Variants in EFCAB5 observed in about 807,000 individuals in gnomAD.
EFCAB5 encodes EF-hand calcium-binding domain-containing protein 5.
In EFCAB5, 131 loss-of-function variants were observed where a neutral mutation model predicts 167.9. That is an observed-to-expected ratio of 0.78 (90% CI 0.68 to 0.90). The LOEUF (loss-of-function observed/expected upper bound fraction) is 0.90, where lower values mean the gene tolerates loss of function less well. Ranked by LOEUF, EFCAB5 falls within the 40% of genes least tolerant of loss-of-function variation. The pLI, the probability that EFCAB5 is intolerant of heterozygous loss-of-function variation, is 0.00. For synonymous variants in EFCAB5, 574 were observed against 602.8 expected (o/e 0.95, Z 0.70); for missense variants, 1,663 against 1,745.2 (o/e 0.95, Z 0.84).
intron 14 of EFCAB5, among the ~76,000 whole-genome samples, chr17:30,064,049 T>A (rs570658711): frequency 2.4e-4 from 36 of 152,216 alleles, no homozygotes; most frequent in African/African-American, 7.9e-4. Context: ...TCTAGAAAGA[T>A]TGGAAGAGAC....
intron 10 of EFCAB5, 128 bp downstream of exon 10, chr17:30,054,276 A>G (rs2070192056): frequency 8.3e-6 from 10 of 1,208,898 alleles, no homozygotes; most frequent in African/African-American, 1.5e-5. Context: ...AACCTCAGGC[A>G]TATTTTGCTG....
chr17:30,106,803 A>G (rs2071455398), intron 22 of EFCAB5, among the ~76,000 whole-genome samples: 2 of 152,080 alleles, frequency 1.3e-5, no homozygotes, highest in Admixed American at 6.5e-5. Context: ...ATCTTCACAT[A>G]TATTTTCTCA....
At position 30,082,891 on chromosome 17, in the gene EFCAB5, G is replaced by A; in HGVS notation, c.3427G>A (p.Gly1143Ser). Residue 1143 changes from glycine to serine, a missense_variant and splice_region_variant, in exon 18 of 23, where the codon GGT becomes AGT. By Grantham distance (56) the Gly-to-Ser change is moderately conservative. Transcript: ENST00000394835. Reference sequence around the variant, plus strand: ...CTATTTGAATTTTCTGTCTCTACAGGGTGTTGCTAATGTCTTTAGCACTGC... The same window carrying A: ...CTATTTGAATTTTCTGTCTCTACAGAGTGTTGCTAATGTCTTTAGCACTGC... ...FLPHEIRFYQ[G>S]VANVFSTAYH... The A allele has an allele frequency of 2.5e-6, 4 of 1,611,412 alleles. No individual in the cohort carries two copies. The highest frequency in any genetic ancestry group is 3.4e-6 in the Non-Finnish European group (4 of 1,178,678).
At chr17:30,078,136 C>T (rs1221937073) in intron 14 of EFCAB5, 79 bp from the exon 15 acceptor site, 16 of 1,450,576 alleles carry the variant, frequency 1.1e-5, no homozygotes, top group Non-Finnish European at 1.4e-5. Context: ...TTCAGTTCAT[C>T]GTAAGAGGAG....
upstream of EFCAB5, among the ~76,000 whole-genome samples, chr17:29,937,922 T>C (rs1237429434): frequency 1.3e-5 from 2 of 152,194 alleles, no homozygotes; most frequent in African/African-American, 4.8e-5. Flanking sequence ...GATATTCCTT[T>C]TCCCTAGCAC....
intron 14 of EFCAB5, chr17:30,069,442 A>C (rs2070669722): frequency 1.2e-5 from 18 of 1,553,816 alleles, no homozygotes; most frequent in Non-Finnish European, 1.5e-5. Flanking sequence ...TATTCACGGA[A>C]AAGGTTTTGC....
At chr17:30,051,795 G>A (rs2070105699) in intron 9 of EFCAB5, among the ~76,000 whole-genome samples, 1 of 151,884 alleles carries the variant, frequency 6.6e-6, no homozygotes, top group African/African-American at 2.4e-5. Context: ...CTGGGTGCTG[G>A]GATTGTAGGT....
intron 2 of EFCAB5, 37 bp downstream of exon 2, chr17:29,942,339 G>C: frequency 4.0e-6 from 6 of 1,505,914 alleles, no homozygotes; most frequent in Non-Finnish European, 8.9e-7. Context: ...ATTAATGCTG[G>C]AGAATAAGCT....
At chr17:29,936,472 G>A (rs2067246483) in intron 1 of EFCAB5, among the ~76,000 whole-genome samples, 1 of 152,126 alleles carries the variant, frequency 6.6e-6, no homozygotes, top group African/African-American at 2.4e-5. Context: ...AAAAAAAGAA[G>A]CAATCGGGAT....
intron 7 of EFCAB5, among the ~76,000 whole-genome samples, chr17:30,023,275 G>C (rs2069228647): frequency 6.6e-6 from 1 of 152,126 alleles, no homozygotes; most frequent in African/African-American, 2.4e-5. Flanking sequence ...AAAATTGATA[G>C]AGCACTAGCA....
At chr17:29,966,407 A>T (rs1415792943) in intron 3 of EFCAB5, among the ~76,000 whole-genome samples, 1 of 152,078 alleles carries the variant, frequency 6.6e-6, no homozygotes, top group Non-Finnish European at 1.5e-5. Flanking sequence ...AAGGTGGGTG[A>T]ATCACTTGAA....
chr17:30,008,088 T>C (rs2068811930), intron 7 of EFCAB5, among the ~76,000 whole-genome samples: 1 of 151,900 alleles, frequency 6.6e-6, no homozygotes, highest in Non-Finnish European at 1.5e-5. Flanking sequence ...GATTGATGGG[T>C]TTTGCTGATT....
intron 3 of EFCAB5, among the ~76,000 whole-genome samples, chr17:29,965,966 G>T (rs1878000666): frequency 6.6e-6 from 1 of 151,160 alleles, no homozygotes; most frequent in Non-Finnish European, 1.5e-5. Context: ...ATTTTAAATT[G>T]GTTATTAATT....
At chr17:30,089,609 C>G (rs1385584312) in intron 19 of EFCAB5, among the ~76,000 whole-genome samples, 2 of 152,112 alleles carry the variant, frequency 1.3e-5, no homozygotes, top group Non-Finnish European at 2.9e-5. Flanking sequence ...GATGCTCTAC[C>G]CAGATCCCCA....
intron 7 of EFCAB5, among the ~76,000 whole-genome samples, chr17:30,011,286 A>G (rs4291964): frequency 0.61 from 92,767 of 152,026 alleles, 30,260 homozygotes; most frequent in African/African-American, 0.85. Context: ...TTGGCGATGC[A>G]GGCTCTGTTT....
intron 7 of EFCAB5, chr17:30,031,766 A>G (rs2069486239): frequency 6.9e-6 from 1 of 143,898 alleles, no homozygotes; most frequent in African/African-American, 2.4e-5. Flanking sequence ...TCATGCCTGT[A>G]ATTTCAGTAC....
intron 7 of EFCAB5, among the ~76,000 whole-genome samples, chr17:30,024,530 A>G (rs979027726): frequency 1.4e-4 from 21 of 152,148 alleles, no homozygotes; most frequent in Non-Finnish European, 2.5e-4. Flanking sequence ...AATGAAATAA[A>G]AGAGGATATA....
intron 4 of EFCAB5, among the ~76,000 whole-genome samples, chr17:29,980,556 T>G (rs943121810): frequency 2.0e-5 from 3 of 152,254 alleles, no homozygotes; most frequent in African/African-American, 7.2e-5. Flanking sequence ...GAAATACTTT[T>G]TCCCTCCTCT....
intron 20 of EFCAB5, 82 bp from the exon 21 acceptor site, chr17:30,091,789 G>A (rs2071202194): frequency 6.8e-7 from 1 of 1,477,876 alleles, no homozygotes; most frequent in East Asian, 2.3e-5. Flanking sequence ...ACTATAATAT[G>A]TTCAGAATCC....
Sources: gnomAD v4.1 joint callset for allele counts (sites outside exome capture counted in the v4.1 genomes callset) on GRCh38, gnomAD v4.1.1 for gene constraint, MANE v1.5 for transcripts, NCBI Gene and HGNC (gene_info 2026-07-23, HGNC 2026-07-21) for gene names.